Variants in DESI1 observed in about 807,000 individuals in gnomAD.
DESI1 encodes the protein desumoylating isopeptidase 1.
DESI1 carries 17 observed loss-of-function variants against 22.4 expected under a neutral mutation model. The observed-to-expected ratio is 0.76, with a 90% CI of 0.52 to 1.14. The LOEUF (loss-of-function observed/expected upper bound fraction) is 1.14. Among genes scored for constraint, DESI1 ranks in the 50% most tolerant of loss-of-function variants. DESI1 has a pLI of 0.00. For missense variants in DESI1, 177 were observed against 208.9 expected (o/e 0.85, Z 0.94); for synonymous variants, 92 against 84.2 (o/e 1.09, Z -0.51).
intron 2 of DESI1, 102 bp downstream of exon 2, chr22:41,607,736 GGA>G: frequency 3.0e-6 from 4 of 1,314,186 alleles, no homozygotes; most frequent in Non-Finnish European, 4.4e-6. Context: ...TTTATAGCAT[GGA>G]GAGCTAGGTT....
intron 5 of DESI1, 59 bp downstream of exon 5, chr22:41,603,200 C>A: frequency 6.2e-7 from 1 of 1,611,610 alleles, no homozygotes; most frequent in Non-Finnish European, 8.5e-7. Flanking sequence ...GGGCACTGAC[C>A]GTGAATGGGG....
At chr22:41,603,491 G>A (rs2067461330) in intron 4 of DESI1, 110 bp from the exon 5 acceptor site, 8 of 1,508,894 alleles carry the variant, frequency 5.3e-6, no homozygotes, top group Admixed American at 3.6e-5. Context: ...TGAGGATTGC[G>A]ATTTCCCCCG....
At chr22:41,603,504 T>C in intron 4 of DESI1, 123 bp from the exon 5 acceptor site, 1 of 1,449,218 alleles carries the variant, frequency 6.9e-7, no homozygotes, top group Non-Finnish European at 9.5e-7. Flanking sequence ...TTCCCCCGTC[T>C]CATACACCAG....
chr22:41,604,248 GACT>G, intron 3 of DESI1, 95 bp from the exon 4 acceptor site: 1 of 487,974 alleles, frequency 2.0e-6, no homozygotes, highest in Admixed American at 4.7e-5. Flanking sequence ...ACTCTGTTCT[GACT>G]TTTTTTTTTT....
chr22:41,614,367 C>A (rs888717524), intron 1 of DESI1, among the ~76,000 whole-genome samples: 1 of 152,056 alleles, frequency 6.6e-6, no homozygotes, highest in Non-Finnish European at 1.5e-5. Context: ...ATTCATCCAC[C>A]AAACACTTGG....
Position 41,607,372 on chromosome 22 carries a change from A to T in DESI1, c.111-41T>A, listed in dbSNP as rs201565120. On this transcript the variant is annotated intron_variant, in intron 2 of 5. Transcript: ENST00000263256. Reference sequence around the variant, plus strand: ...AGACACAGTAAGCCAGAAAACTTAAACTTTTGAGAAAAAGCAAACACCATA... The same window carrying T: ...AGACACAGTAAGCCAGAAAACTTAATCTTTTGAGAAAAAGCAAACACCATA... The T allele has an allele frequency of 3.8e-6, 6 of 1,575,710 alleles. No homozygotes were observed. In the African/African-American group the frequency reaches 8.2e-5, roughly 22 times the overall value.
intron 1 of DESI1, among the ~76,000 whole-genome samples, chr22:41,613,746 C>T (rs2067532318): frequency 6.6e-6 from 1 of 152,254 alleles, no homozygotes; most frequent in Non-Finnish European, 1.5e-5. Flanking sequence ...CGCATGCTCA[C>T]TGACTCAGGA....
intron 4 of DESI1, 39 bp from the exon 5 acceptor site, chr22:41,603,420 CAGCA>C (rs776936177): frequency 1.2e-6 from 2 of 1,613,528 alleles, no homozygotes; most frequent in Non-Finnish European, 1.7e-6. Flanking sequence ...TATGAGAAAC[CAGCA>C]AGCGTCTATG....
chr22:41,612,796 G>A (rs1310621130), intron 1 of DESI1, among the ~76,000 whole-genome samples: 1 of 140,300 alleles, frequency 7.1e-6, no homozygotes, highest in African/African-American at 2.7e-5. Flanking sequence ...TCCCTATGTT[G>A]TCAAGCCTGG....
intron 5 of DESI1, chr22:41,602,235 C>G (rs555275328): frequency 3.0e-6 from 3 of 985,386 alleles, no homozygotes; most frequent in African/African-American, 3.5e-5. Flanking sequence ...CAGATGAAAC[C>G]TAGAAATATC....
chr22:41,605,660 C>A (rs1369720281), intron 3 of DESI1, among the ~76,000 whole-genome samples: 2 of 152,154 alleles, frequency 1.3e-5, no homozygotes, highest in Admixed American at 6.6e-5. Flanking sequence ...ATGTGTCAGG[C>A]CTTATGCTAG....
chr22:41,612,875 A>G (rs1447015487), intron 1 of DESI1, among the ~76,000 whole-genome samples: 1 of 151,746 alleles, frequency 6.6e-6, no homozygotes, highest in Non-Finnish European at 1.5e-5. Flanking sequence ...GCTTTGAGCC[A>G]AGATTTAAAG....
chr22:41,605,920 G>T (rs1019821194), intron 3 of DESI1, among the ~76,000 whole-genome samples: 24 of 152,260 alleles, frequency 1.6e-4, no homozygotes, highest in African/African-American at 5.3e-4. Flanking sequence ...GGCGTAACCA[G>T]GTGAAGGATC....
At chr22:41,614,178 A>G (rs1316676802) in intron 1 of DESI1, among the ~76,000 whole-genome samples, 2 of 151,966 alleles carry the variant, frequency 1.3e-5, no homozygotes, top group African/African-American at 4.8e-5. Context: ...CTGGGATTAC[A>G]GGAGCTCGCC....
chr22:41,607,183 A>C (rs2067488013), intron 3 of DESI1, 79 bp downstream of exon 3: 1 of 1,363,862 alleles, frequency 7.3e-7, no homozygotes, highest in East Asian at 2.5e-5. Flanking sequence ...AGAAGTCCAT[A>C]GTAGAAGCAA....
intron 1 of DESI1, among the ~76,000 whole-genome samples, chr22:41,610,898 G>A (rs2067513295): frequency 6.6e-6 from 1 of 151,496 alleles, no homozygotes; most frequent in South Asian, 2.1e-4. Flanking sequence ...GACCACAAGT[G>A]GATAGAGGGA....
chr22:41,620,968 T>G lies in DESI1; in HGVS notation c.-129A>C, dbSNP rs1601519895. The stretch of plus-strand genomic sequence containing the variant: ...CCGAGCCCGGGCCCGGGCTGAGGGG[T>G]GGGGGAGAGGCCGCCCTGCGCTGCT... On this transcript the variant is annotated 5_prime_UTR_variant, in exon 1 of 6. Transcript: ENST00000263256. 444 of 801,792 alleles carry G rather than the reference T, an allele frequency of 5.5e-4. No individual in the cohort carries two copies. Among genetic ancestry groups the G allele is most frequent in the East Asian group, 7.5e-4 (23 of 30,468 alleles). 49.7% of individuals were successfully genotyped at this position (801,792 alleles called of 1,614,324 possible). A position where few individuals can be genotyped will look rare whatever the true frequency, so the allele number is the denominator to read the frequency against.
intron 1 of DESI1, among the ~76,000 whole-genome samples, chr22:41,619,531 C>A (rs1236919984): frequency 1.3e-5 from 2 of 152,138 alleles, no homozygotes; most frequent in Non-Finnish European, 2.9e-5. Flanking sequence ...CTTTGATTTG[C>A]ATATTTAAAG....
chr22:41,603,489 G>GC, intron 4 of DESI1, 108 bp from the exon 5 acceptor site: 1 of 1,527,420 alleles, frequency 6.5e-7, no homozygotes, highest in Non-Finnish European at 8.9e-7. Context: ...TGTGAGGATT[G>GC]CGATTTCCCC....
Sources: allele counts gnomAD v4.1 joint callset (sites outside exome capture counted in the v4.1 genomes callset), GRCh38; gene constraint gnomAD v4.1.1; transcripts MANE v1.5; gene names NCBI Gene and HGNC (gene_info 2026-07-23, HGNC 2026-07-21).